The following SNX29 variants were observed in gnomAD, a reference collection of about 807,000 sequenced individuals.
SNX29 encodes sorting nexin-29.
In SNX29, 78 loss-of-function variants were observed where a neutral mutation model predicts 102.1. The ratio of observed to expected loss-of-function variants is 0.76; its 90% confidence interval spans 0.64 to 0.92. SNX29 has a LOEUF of 0.92. Ranked by LOEUF, SNX29 falls within the 40% of genes least tolerant of loss-of-function variation. SNX29 has a pLI of 0.00. For missense variants in SNX29, 1,280 were observed against 1,061.7 expected (o/e 1.21, Z -2.86); for synonymous variants, 580 against 414.5 (o/e 1.40, Z -4.85).
intron 20 of SNX29, among the ~76,000 whole-genome samples, chr16:12,543,182 C>T (rs1347248539): frequency 6.6e-6 from 1 of 152,114 alleles, no homozygotes; most frequent in Non-Finnish European, 1.5e-5. Context: ...CTGTAGAAGT[C>T]CTAGGAAAAA....
At chr16:12,359,232 T>C (rs141924196) in intron 16 of SNX29, among the ~76,000 whole-genome samples, 374 of 152,300 alleles carry the variant, frequency 2.5e-3, no homozygotes, top group African/African-American at 8.8e-3. Context: ...GATTGTTTGG[T>C]GGTAGGGAGA....
intron 16 of SNX29, among the ~76,000 whole-genome samples, chr16:12,394,855 A>G (rs1319686072): frequency 6.6e-6 from 1 of 152,074 alleles, no homozygotes; most frequent in Non-Finnish European, 1.5e-5. Flanking sequence ...TCGGAAGCAC[A>G]CCTCTGCCCA....
intron 13 of SNX29, among the ~76,000 whole-genome samples, chr16:12,168,648 G>A (rs1012043978): frequency 6.6e-6 from 1 of 152,154 alleles, no homozygotes; most frequent in African/African-American, 2.4e-5. Context: ...GTACATTCCT[G>A]GTTTTTCCCT....
At chr16:12,247,157 G>T (rs1442649541) in intron 14 of SNX29, among the ~76,000 whole-genome samples, 6 of 152,292 alleles carry the variant, frequency 3.9e-5, no homozygotes, top group African/African-American at 1.4e-4. Flanking sequence ...GACGGGGAGA[G>T]AATTCAGGAA....
intron 18 of SNX29, among the ~76,000 whole-genome samples, chr16:12,436,444 G>A (rs778827534): frequency 7.2e-5 from 11 of 152,216 alleles, no homozygotes; most frequent in Non-Finnish European, 1.2e-4. Flanking sequence ...AGTGGCGCGC[G>A]AGCACCTGGC....
intron 14 of SNX29, among the ~76,000 whole-genome samples, chr16:12,251,451 C>A (rs961724519): frequency 4.6e-5 from 7 of 152,156 alleles, no homozygotes; most frequent in African/African-American, 7.2e-5. Context: ...GCCTGTAATC[C>A]CAACACTTTG....
chr16:12,534,595 G>C (rs2187675), intron 20 of SNX29, among the ~76,000 whole-genome samples: 108,132 of 152,160 alleles, frequency 0.71, 39,104 homozygotes, highest in East Asian at 0.86. Flanking sequence ...GTCTGGTATT[G>C]TCACCTGTTA....
intron 1 of SNX29, among the ~76,000 whole-genome samples, chr16:11,990,665 A>T (rs1234439312): frequency 1.3e-5 from 2 of 152,138 alleles, no homozygotes; most frequent in Non-Finnish European, 2.9e-5. Context: ...GTAACTGAGA[A>T]TGAATTCTGC....
intron 5 of SNX29, among the ~76,000 whole-genome samples, chr16:12,045,595 A>G (rs1267427522): frequency 7.1e-6 from 1 of 141,302 alleles, no homozygotes; most frequent in African/African-American, 2.6e-5. Flanking sequence ...CAGGTCTGTA[A>G]CCTAGGCAGG....
At chr16:11,981,260 G>A (rs374174181) in intron 1 of SNX29, among the ~76,000 whole-genome samples, 5 of 151,516 alleles carry the variant, frequency 3.3e-5, no homozygotes, top group African/African-American at 7.3e-5. Flanking sequence ...ATGAGCCACC[G>A]CACCTGGCCA....
intron 15 of SNX29, among the ~76,000 whole-genome samples, chr16:12,279,473 G>C (rs1168163049): frequency 6.6e-6 from 1 of 152,238 alleles, no homozygotes; most frequent in African/African-American, 2.4e-5. Flanking sequence ...GGGAGGCCTG[G>C]GGACAGGGCA....
At chr16:12,045,558 G>C (rs2050051867) in intron 5 of SNX29, among the ~76,000 whole-genome samples, 1 of 151,522 alleles carries the variant, frequency 6.6e-6, no homozygotes, top group Non-Finnish European at 1.5e-5. Flanking sequence ...TAGCCTCCTA[G>C]CCTTTTCCAA....
intron 16 of SNX29, among the ~76,000 whole-genome samples, chr16:12,387,978 C>T (rs1026873546): frequency 6.6e-6 from 1 of 152,182 alleles, no homozygotes; most frequent in Non-Finnish European, 1.5e-5. Flanking sequence ...CCTCTTCATC[C>T]ACAGATTTCA....
chr16:12,569,600 G>A lies in SNX29; in HGVS notation c.*971G>A, dbSNP rs184094351. The stretch of plus-strand genomic sequence containing the variant: ...AACATTTTCCATCCCGTCTGCCCCC[G>A]ACATTGTCCTTGATAACAGAACTCT... On this transcript the variant is annotated 3_prime_UTR_variant, in exon 21 of 21. Transcript: ENST00000566228. 9 of 228,566 alleles carry A rather than the reference G, an allele frequency of 3.9e-5. No individual in the cohort carries two copies. The highest frequency in any genetic ancestry group is 6.8e-5 in the African/African-American group (3 of 44,332). The allele number at this position is 228,566 out of a possible 1,614,324, so 14.2% of individuals were successfully genotyped here.
At chr16:11,986,374 TAA>T (rs33924503) in intron 1 of SNX29, among the ~76,000 whole-genome samples, 9 of 131,074 alleles carry the variant, frequency 6.9e-5, no homozygotes, top group East Asian at 2.2e-4. Context: ...TCCTACAACT[TAA>T]AAAAAAAAAA....
chr16:12,011,132 G>GA (rs1386421242), intron 3 of SNX29, among the ~76,000 whole-genome samples: 2 of 149,046 alleles, frequency 1.3e-5, no homozygotes, highest in Non-Finnish European at 1.5e-5. Flanking sequence ...CTCTGTAGTA[G>GA]ACAGTCCATA....
intron 8 of SNX29, among the ~76,000 whole-genome samples, chr16:12,055,905 CAG>C (rs1414120300): frequency 2.7e-4 from 41 of 150,602 alleles, no homozygotes; most frequent in Admixed American, 2.5e-3. Context: ...TTTTCTGGAA[CAG>C]AGTCTTACTC....
At chr16:12,258,951 C>T (rs1001814538) in intron 14 of SNX29, among the ~76,000 whole-genome samples, 1 of 152,078 alleles carries the variant, frequency 6.6e-6, no homozygotes, top group Non-Finnish European at 1.5e-5. Flanking sequence ...ACTATGATAG[C>T]CTGGTACAAA....
At chr16:12,423,429 G>T (rs2084943610) in intron 18 of SNX29, among the ~76,000 whole-genome samples, 1 of 152,150 alleles carries the variant, frequency 6.6e-6, no homozygotes, top group Admixed American at 6.5e-5. Context: ...TCAGCTCAGA[G>T]CCTCCCCTCC....
Sources: gnomAD v4.1 joint callset for allele counts (sites outside exome capture counted in the v4.1 genomes callset) on GRCh38, gnomAD v4.1.1 for gene constraint, MANE v1.5 for transcripts, NCBI Gene and HGNC (gene_info 2026-07-23, HGNC 2026-07-21) for gene names.